MARCHF6: variants seen among roughly 807,000 people sequenced by gnomAD.
MARCHF6 encodes the protein membrane associated ring-CH-type finger 6, also known as E3 ubiquitin-protein ligase MARCHF6.
MARCHF6 carries 31 observed loss-of-function variants against 133.7 expected under a neutral mutation model. That is an observed-to-expected ratio of 0.23 (90% CI 0.17 to 0.31). MARCHF6 has a LOEUF of 0.31. MARCHF6 is among the 10% of genes least tolerant of loss of function. The pLI is 1.00. For synonymous variants in MARCHF6, 395 were observed against 402.5 expected, an observed-to-expected ratio of 0.98 and a Z score of 0.22; for missense variants, 723 against 1,121.6, an observed-to-expected ratio of 0.64 and a Z score of 5.08.
intron 23 of MARCHF6, 85 bp downstream of exon 23, chr5:10,423,909 C>A: frequency 2.1e-6 from 2 of 943,322 alleles, no homozygotes; most frequent in South Asian, 1.8e-5. Context: ...TTCTTATCTT[C>A]CTACCTTGCT....
intron 1 of MARCHF6, among the ~76,000 whole-genome samples, chr5:10,376,660 G>T (rs1736799510): frequency 6.6e-6 from 1 of 152,146 alleles, no homozygotes; most frequent in Admixed American, 6.5e-5. Flanking sequence ...TGCCCAGCTG[G>T]TTAGCACACA....
chr5:10,392,911 T>G (rs1447982868), intron 7 of MARCHF6, among the ~76,000 whole-genome samples: 1 of 152,200 alleles, frequency 6.6e-6, no homozygotes, highest in African/African-American at 2.4e-5. Context: ...TGTCACGTAC[T>G]CTGTTAGACA....
intron 22 of MARCHF6, among the ~76,000 whole-genome samples, chr5:10,421,690 G>A (rs1739833687): frequency 6.6e-6 from 1 of 152,108 alleles, no homozygotes; most frequent in African/African-American, 2.4e-5. Flanking sequence ...ATCTCATTTG[G>A]GTGTCTGCTG....
At chr5:10,409,845 A>T (rs1208756756) in intron 17 of MARCHF6, among the ~76,000 whole-genome samples, 1 of 152,106 alleles carries the variant, frequency 6.6e-6, no homozygotes, top group East Asian at 1.9e-4. Flanking sequence ...AGCTGTTTGG[A>T]TGTGAGGTGT....
At chr5:10,397,887 A>G (rs945485395) in intron 10 of MARCHF6, among the ~76,000 whole-genome samples, 1 of 152,220 alleles carries the variant, frequency 6.6e-6, no homozygotes, top group African/African-American at 2.4e-5. Flanking sequence ...CTTTGACAGC[A>G]CACAATGGTC....
intron 17 of MARCHF6, among the ~76,000 whole-genome samples, chr5:10,409,835 A>G (rs1170704380): frequency 6.6e-6 from 1 of 152,160 alleles, no homozygotes. Flanking sequence ...AGGATTCTCT[A>G]GCTGTTTGGA....
At chr5:10,393,971 T>G (rs1240626901) in intron 7 of MARCHF6, 111 bp from the exon 8 acceptor site, 4 of 502,994 alleles carry the variant, frequency 8.0e-6, no homozygotes, top group Non-Finnish European at 6.7e-6. Context: ...GCTTAGCTTC[T>G]CAACAACAGC....
chr5:10,377,676 T>G (rs1481479613), intron 1 of MARCHF6, 122 bp from the exon 2 acceptor site: 14 of 621,540 alleles, frequency 2.3e-5, no homozygotes, highest in Non-Finnish European at 3.8e-5. Context: ...CTCCGTACTA[T>G]TAATGTTTTG....
chr5:10,433,195 C>T (rs911486997), intron 25 of MARCHF6, among the ~76,000 whole-genome samples: 1 of 152,144 alleles, frequency 6.6e-6, no homozygotes, highest in Admixed American at 6.5e-5. Flanking sequence ...CAGCCCCTTC[C>T]TAGCTTTCTG....
Position 10,353,793 on chromosome 5 carries a change from G to A in MARCHF6, c.-106G>A, listed in dbSNP as rs545717081. On this transcript the variant is annotated 5_prime_UTR_variant, in exon 1 of 26. Transcript: ENST00000274140. ...CTCTCGCTTCCTCTCTCGCACCTGA[G>A]CGTACGCACCTGCCCGGGCCCGGCT... 9.3e-4 allele frequency: 916 copies of A among 979,738 alleles called. 4 individuals carry two copies. In the African/African-American group the frequency reaches 0.015, roughly 16 times the overall value. The allele number at this position is 979,738 out of a possible 1,614,324, so 60.7% of individuals were successfully genotyped here.
intron 4 of MARCHF6, 101 bp from the exon 5 acceptor site, chr5:10,386,893 G>T (rs996644616): frequency 2.0e-5 from 16 of 804,718 alleles, no homozygotes; most frequent in Non-Finnish European, 3.1e-5. Flanking sequence ...GTTTATTTCA[G>T]TGGCATTTGT....
At chr5:10,411,824 C>T (rs1359371781) in intron 19 of MARCHF6, among the ~76,000 whole-genome samples, 1 of 152,204 alleles carries the variant, frequency 6.6e-6, no homozygotes, top group Non-Finnish European at 1.5e-5. Flanking sequence ...GTGTCAGGAA[C>T]TAGAATGGGC....
At position 10,400,765 on chromosome 5, in the gene MARCHF6, A is replaced by G. The variant is rs1160736511; in HGVS notation, c.914-19A>G. ...GTTTTGATGTCGGAGTTTTCATGGA[A>G]TTTTTTCCCCCTTTTTAGCATTTTG... is the stretch of plus-strand genomic sequence containing the variant. On this transcript the variant is annotated intron_variant, in intron 10 of 25. Coordinates refer to ENST00000274140, the MANE Select transcript of MARCHF6 (RefSeq NM_005885.4). The G allele has an allele frequency of 1.2e-6, 2 of 1,601,526 alleles. No individual in the cohort carries two copies. The highest frequency in any genetic ancestry group is 1.7e-6 in the Non-Finnish European group (2 of 1,169,220).
intron 17 of MARCHF6, 50 bp downstream of exon 17, chr5:10,407,252 A>C: frequency 1.1e-6 from 1 of 937,532 alleles, no homozygotes; most frequent in Non-Finnish European, 1.6e-6. Flanking sequence ...TCTATTAGGG[A>C]TTTGATGTTC....
At chr5:10,357,097 G>C (rs1735517744) in intron 1 of MARCHF6, among the ~76,000 whole-genome samples, 2 of 152,114 alleles carry the variant, frequency 1.3e-5, no homozygotes, top group Admixed American at 1.3e-4. Flanking sequence ...AAACTTCAGA[G>C]CTATAGGAGA....
intron 1 of MARCHF6, among the ~76,000 whole-genome samples, chr5:10,360,751 A>G (rs914401802): frequency 2.0e-5 from 3 of 152,170 alleles, no homozygotes; most frequent in Non-Finnish European, 2.9e-5. Context: ...TGGTGGTGGG[A>G]AAGGTAATGG....
At chr5:10,428,976 A>G (rs1740232127) in intron 24 of MARCHF6, among the ~76,000 whole-genome samples, 1 of 152,114 alleles carries the variant, frequency 6.6e-6, no homozygotes, top group Admixed American at 6.5e-5. Flanking sequence ...TAGCTTTTTA[A>G]TATGTTTTGT....
intron 19 of MARCHF6, among the ~76,000 whole-genome samples, chr5:10,412,610 G>C (rs1207546872): frequency 2.6e-5 from 4 of 152,150 alleles, no homozygotes; most frequent in Admixed American, 2.6e-4. Flanking sequence ...GTCTTGCTCT[G>C]TTGCCCAGGC....
At chr5:10,418,973 A>G (rs987023409) in intron 22 of MARCHF6, among the ~76,000 whole-genome samples, 3 of 152,214 alleles carry the variant, frequency 2.0e-5, no homozygotes, top group Non-Finnish European at 2.9e-5. Flanking sequence ...ACTAGTAGAG[A>G]ACAGAGAAGT....
Sources: allele counts gnomAD v4.1 joint callset (sites outside exome capture counted in the v4.1 genomes callset), GRCh38; gene constraint gnomAD v4.1.1; transcripts MANE v1.5; gene names NCBI Gene and HGNC (gene_info 2026-07-23, HGNC 2026-07-21).